JPH3: variants seen among roughly 807,000 people sequenced by gnomAD.
JPH3 encodes junctophilin-3.
Under a neutral mutation model 59.6 loss-of-function variants are expected in JPH3, and 11 were observed. The ratio of observed to expected loss-of-function variants is 0.18; its 90% CI spans 0.12 to 0.31. The LOEUF (loss-of-function observed/expected upper bound fraction) is 0.31. JPH3 is among the 10% of genes least tolerant of loss of function. The probability of loss-of-function intolerance (pLI) is 1.00; values close to 1 mark genes in which losing one functional copy is unlikely to be tolerated. For synonymous variants in JPH3, 673 were observed against 483.6 expected, an observed-to-expected ratio of 1.39 and a Z score of -5.14; for missense variants, 1,202 against 1,105.7, an observed-to-expected ratio of 1.09 and a Z score of -1.24.
intron 2 of JPH3, among the ~76,000 whole-genome samples, chr16:87,678,791 G>A (rs538116620): frequency 1.3e-5 from 2 of 152,322 alleles, no homozygotes; most frequent in East Asian, 3.9e-4. Flanking sequence ...GACACGTGCC[G>A]GAGAAGGCCA....
At chr16:87,694,801 G>T in intron 4 of JPH3, 1 of 191,622 alleles carries the variant, frequency 5.2e-6, no homozygotes, top group Non-Finnish European at 1.1e-5. Context: ...GGGCCATTGA[G>T]CAGGCACTTG....
chr16:87,641,536 C>G (rs2150842984), intron 1 of JPH3, among the ~76,000 whole-genome samples: 1 of 152,328 alleles, frequency 6.6e-6, no homozygotes, highest in African/African-American at 2.4e-5. Flanking sequence ...TCATTCGGCC[C>G]CGTCCTCTGC....
chr16:87,642,017 C>T (rs2031970657), intron 1 of JPH3, among the ~76,000 whole-genome samples: 1 of 151,668 alleles, frequency 6.6e-6, no homozygotes, highest in South Asian at 2.1e-4. Flanking sequence ...CCATGGGATT[C>T]GATTGGAGGG....
intron 2 of JPH3, among the ~76,000 whole-genome samples, chr16:87,677,785 G>C (rs1233952529): frequency 6.6e-6 from 1 of 152,224 alleles, no homozygotes. Flanking sequence ...CCACCTACGA[G>C]TGTGTACCAG....
chr16:87,630,065 C>G (rs556446396), intron 1 of JPH3, among the ~76,000 whole-genome samples: 6 of 152,296 alleles, frequency 3.9e-5, no homozygotes, highest in South Asian at 4.1e-4. Context: ...TGCCCAGAGT[C>G]CATGCTGGAA....
intron 3 of JPH3, 121 bp downstream of exon 3, chr16:87,684,387 CT>C: frequency 7.7e-6 from 11 of 1,430,224 alleles, no homozygotes; most frequent in Non-Finnish European, 1.0e-5. Context: ...GCCCCAGCTG[CT>C]CCCCTGCCCG....
At chr16:87,670,573 C>T (rs1237973612) in intron 2 of JPH3, among the ~76,000 whole-genome samples, 4 of 152,242 alleles carry the variant, frequency 2.6e-5, no homozygotes, top group East Asian at 1.9e-4. Context: ...CTGGGCTGTG[C>T]GATCCACCTT....
chr16:87,662,772 C>T (rs891981043), intron 2 of JPH3, among the ~76,000 whole-genome samples: 1 of 152,236 alleles, frequency 6.6e-6, no homozygotes, highest in African/African-American at 2.4e-5. Context: ...CCTCAGCCCC[C>T]ACGCAGGGTT....
chr16:87,669,352 G>T (rs143251052), intron 2 of JPH3, among the ~76,000 whole-genome samples: 14 of 152,342 alleles, frequency 9.2e-5, no homozygotes, highest in African/African-American at 3.4e-4. Flanking sequence ...CTTGGGAGGG[G>T]TGAGAAAAGG....
At chr16:87,671,147 C>A (rs77913623) in intron 2 of JPH3, among the ~76,000 whole-genome samples, 1 of 152,120 alleles carries the variant, frequency 6.6e-6, no homozygotes, top group Non-Finnish European at 1.5e-5. Flanking sequence ...GGGAGTCCAG[C>A]GAGACAATGG....
intron 2 of JPH3, chr16:87,654,271 A>C (rs1029449334): frequency 1.3e-5 from 2 of 152,132 alleles, no homozygotes; most frequent in Admixed American, 1.3e-4. Flanking sequence ...CCCAACTCCC[A>C]GACGGGGTTG....
At position 87,689,997 on chromosome 16, in the gene JPH3, C is replaced by A; in HGVS notation, c.1637C>A (p.Ala546Asp). 2 of 1,498,128 alleles carry A rather than the reference C, an allele frequency of 1.3e-6. No individual in the cohort carries two copies. Among genetic ancestry groups the A allele is most frequent in the Non-Finnish European group, 8.9e-7 (1 of 1,123,972 alleles). 92.8% of individuals were successfully genotyped at this position (1,498,128 alleles called of 1,614,324 possible). A position where few individuals can be genotyped will look rare whatever the true frequency, so the allele number is the denominator to read the frequency against. The change falls in exon 4 of 5, where the codon GCC becomes GAC. Residue 546 changes from alanine (A) to aspartate (D), a missense_variant. Ala to Asp is a moderately radical substitution (Grantham distance 126, BLOSUM62 -2). Transcript: ENST00000284262. The stretch of plus-strand genomic sequence containing the variant: ...GGCTCCAGGGGTGTCCGCAGCGGTG[C>A]CCTGCGCGGCGGCCTGCTCGTGGAT... ...AGGSRGVRSGALRGGLLVDDF... is the reference protein window; with the variant it reads ...AGGSRGVRSGDLRGGLLVDDF...
At chr16:87,637,961 G>C (rs947513127) in intron 1 of JPH3, among the ~76,000 whole-genome samples, 1 of 152,178 alleles carries the variant, frequency 6.6e-6, no homozygotes, top group African/African-American at 2.4e-5. Context: ...TTGTTGCCCA[G>C]ACTGGAGTGC....
intron 2 of JPH3, among the ~76,000 whole-genome samples, chr16:87,652,445 A>G (rs529626666): frequency 1.3e-5 from 2 of 152,368 alleles, no homozygotes; most frequent in Admixed American, 6.5e-5. Flanking sequence ...CGCTTAATAG[A>G]CTACAATATA....
intron 2 of JPH3, among the ~76,000 whole-genome samples, chr16:87,670,820 C>T (rs1457954784): frequency 5.3e-5 from 8 of 151,778 alleles, no homozygotes; most frequent in South Asian, 4.2e-4. Context: ...ATGGTGTGGA[C>T]GTGGTAGAGA....
intron 4 of JPH3, chr16:87,695,720 C>A: frequency 2.4e-6 from 1 of 419,714 alleles, no homozygotes; most frequent in Non-Finnish European, 4.6e-6. Context: ...AGGGGCCACG[C>A]TCCCTCTCCC....
At chr16:87,664,277 G>T (rs2032793479) in intron 2 of JPH3, among the ~76,000 whole-genome samples, 1 of 146,946 alleles carries the variant, frequency 6.8e-6, no homozygotes. Flanking sequence ...CTTGCAGTGA[G>T]CCGAGATTGC....
rs1309095402 is a variant in JPH3, at chr16:87,696,505, G to A, written c.2167-75G>A. 4.3e-5 allele frequency: 53 copies of A among 1,227,344 alleles called. No homozygotes were observed. The Middle Eastern group carries it at 9.3e-4, about 21-fold the overall frequency. The allele number at this position is 1,227,344 out of a possible 1,614,324, so 76.0% of individuals were successfully genotyped here. A position where few individuals can be genotyped will look rare whatever the true frequency, so the allele number is the denominator to read the frequency against. On this transcript the variant is annotated intron_variant, in intron 4 of 4. Transcript: ENST00000284262. ...GGGTCTGCTAGCTTGGTGAAAAGAC[G>A]TGGGTGGGAGGCGTGGTGGCCCAGG... is the stretch of plus-strand genomic sequence containing the variant.
intron 1 of JPH3, among the ~76,000 whole-genome samples, chr16:87,618,449 C>A (rs1042287451): frequency 2.0e-5 from 3 of 152,256 alleles, no homozygotes; most frequent in African/African-American, 7.2e-5. Context: ...GGCCATTGGC[C>A]ATCGTCCCTG....
Sources: gnomAD v4.1 joint callset for allele counts (sites outside exome capture counted in the v4.1 genomes callset) on GRCh38, gnomAD v4.1.1 for gene constraint, MANE v1.5 for transcripts, NCBI Gene and HGNC (gene_info 2026-07-23, HGNC 2026-07-21) for gene names.